The following PPP3CA variants were observed in gnomAD, a reference collection of about 807,000 sequenced individuals.
PPP3CA encodes the protein protein phosphatase 3 catalytic subunit alpha.
Under a neutral mutation model 66.5 loss-of-function variants are expected in PPP3CA, and 14 were observed. The ratio of observed to expected loss-of-function variants is 0.21; its 90% CI spans 0.14 to 0.33. The LOEUF is 0.33. Among genes scored for constraint, PPP3CA ranks in the 10% least tolerant of loss-of-function variants. The pLI is 1.00. For missense variants in PPP3CA, 317 were observed against 639.5 expected (o/e 0.50, Z 5.44); for synonymous variants, 232 against 226.2 (o/e 1.03, Z -0.23).
At chr4:101,073,412 G>T (rs1208985361) in intron 8 of PPP3CA, among the ~76,000 whole-genome samples, 3 of 151,784 alleles carry the variant, frequency 2.0e-5, no homozygotes, top group Non-Finnish European at 4.4e-5. Flanking sequence ...GAATAGTTGG[G>T]ACTACAGGTG....
intron 5 of PPP3CA, among the ~76,000 whole-genome samples, chr4:101,094,941 C>A (rs1460902725): frequency 1.3e-5 from 2 of 151,700 alleles, no homozygotes; most frequent in African/African-American, 4.8e-5. Context: ...CCAATGAAGA[C>A]AAGTGAACAT....
At chr4:101,324,067 C>A (rs1256535521) in intron 1 of PPP3CA, among the ~76,000 whole-genome samples, 1 of 151,368 alleles carries the variant, frequency 6.6e-6, no homozygotes, top group Non-Finnish European at 1.5e-5. Flanking sequence ...GAGATCGCAC[C>A]ACTGCACTCC....
chr4:101,083,855 T>C (rs1197841091), intron 6 of PPP3CA, among the ~76,000 whole-genome samples: 4 of 152,218 alleles, frequency 2.6e-5, no homozygotes, highest in Non-Finnish European at 5.9e-5. Context: ...ATTCAAAACC[T>C]AAACAAAATT....
intron 4 of PPP3CA, among the ~76,000 whole-genome samples, chr4:101,098,719 A>C (rs1260003626): frequency 1.3e-5 from 2 of 152,102 alleles, no homozygotes; most frequent in Non-Finnish European, 1.5e-5. Context: ...GTCATTTATT[A>C]ATTCATACTT....
At position 101,294,452 on chromosome 4, in the gene PPP3CA, T is replaced by C. The variant is rs374598828; in HGVS notation, c.58+52287A>G. Among the ~76,000 whole-genome samples the C allele has an allele frequency of 1.4e-4, 21 of 152,338 alleles. No individual in the cohort carries two copies. In the East Asian group the frequency reaches 4.0e-3, roughly 29 times the overall value. On this transcript the variant is annotated intron_variant, in intron 1 of 13. Transcript: ENST00000394854. Reference sequence around the variant, plus strand: ...TTTACCAAATCTCTATTTATTTGTTTGCCTTGGGGTATTTCAGTATTATAA... The same window carrying C: ...TTTACCAAATCTCTATTTATTTGTTCGCCTTGGGGTATTTCAGTATTATAA...
chr4:101,291,190 T>G (rs1728012475), intron 1 of PPP3CA, among the ~76,000 whole-genome samples: 2 of 152,216 alleles, frequency 1.3e-5, no homozygotes, highest in African/African-American at 2.4e-5. Context: ...TCAACTAAAT[T>G]AGTTCTTCTA....
intron 1 of PPP3CA, among the ~76,000 whole-genome samples, chr4:101,224,537 C>A (rs2851005): frequency 0.82 from 123,816 of 151,240 alleles, 51,072 homozygotes; most frequent in African/African-American, 0.87. Context: ...TCATTGCTAG[C>A]GCTCCAGGGA....
chr4:101,286,466 T>C (rs145730932), intron 1 of PPP3CA, among the ~76,000 whole-genome samples: 261 of 152,372 alleles, frequency 1.7e-3, no homozygotes, highest in African/African-American at 6.1e-3. Flanking sequence ...GTTTTGCACC[T>C]GGAAATATCT....
chr4:101,131,421 G>GAAAA (rs60025424), intron 2 of PPP3CA, among the ~76,000 whole-genome samples: 1 of 102,480 alleles, frequency 9.8e-6, no homozygotes, highest in East Asian at 2.7e-4. Flanking sequence ...CAAATAGAAA[G>GAAAA]AAAAAAAAAA....
At chr4:101,036,267 T>C (rs1727243489) in intron 11 of PPP3CA, among the ~76,000 whole-genome samples, 1 of 152,206 alleles carries the variant, frequency 6.6e-6, no homozygotes, top group Non-Finnish European at 1.5e-5. Flanking sequence ...TGGCTCACAT[T>C]TTATTTCTAT....
intron 1 of PPP3CA, among the ~76,000 whole-genome samples, chr4:101,257,330 C>CTTTT (rs11314056): frequency 7.2e-6 from 1 of 138,634 alleles, no homozygotes; most frequent in African/African-American, 2.6e-5. Flanking sequence ...ATGTATGAGA[C>CTTTT]TTTTTTTTTT....
intron 1 of PPP3CA, among the ~76,000 whole-genome samples, chr4:101,240,226 CT>C (rs1726263188): frequency 6.6e-6 from 1 of 152,004 alleles, no homozygotes; most frequent in African/African-American, 2.4e-5. Flanking sequence ...CTCTGAGGAT[CT>C]TTTCGCCCTT....
At chr4:101,292,703 G>GT (rs1728067655) in intron 1 of PPP3CA, among the ~76,000 whole-genome samples, 1 of 152,176 alleles carries the variant, frequency 6.6e-6, no homozygotes, top group African/African-American at 2.4e-5. Flanking sequence ...CTAAATGGAA[G>GT]TAAGTATAGC....
At chr4:101,208,473 C>A (rs1391172886) in intron 1 of PPP3CA, among the ~76,000 whole-genome samples, 1 of 152,142 alleles carries the variant, frequency 6.6e-6, no homozygotes, top group East Asian at 1.9e-4. Context: ...ACACTAAATA[C>A]AAAGGGATGC....
chr4:101,090,806 C>T (rs947664148), intron 6 of PPP3CA, among the ~76,000 whole-genome samples: 16 of 150,956 alleles, frequency 1.1e-4, no homozygotes, highest in Middle Eastern at 3.5e-3. Context: ...TATATACACA[C>T]GTCTGTGTCT....
intron 1 of PPP3CA, among the ~76,000 whole-genome samples, chr4:101,292,198 C>T (rs1230463931): frequency 6.6e-6 from 1 of 151,944 alleles, no homozygotes; most frequent in Non-Finnish European, 1.5e-5. Context: ...GAACTCTGTC[C>T]TATCATTCTT....
At chr4:101,051,991 T>C (rs2110218612) in intron 10 of PPP3CA, among the ~76,000 whole-genome samples, 1 of 152,214 alleles carries the variant, frequency 6.6e-6, no homozygotes, top group Admixed American at 6.6e-5. Flanking sequence ...TGGTGGACAT[T>C]ATCCAGCCAA....
intron 1 of PPP3CA, among the ~76,000 whole-genome samples, chr4:101,251,969 G>A (rs1421606143): frequency 5.3e-5 from 8 of 152,146 alleles, no homozygotes; most frequent in African/African-American, 1.7e-4. Context: ...CTGAGGACCA[G>A]ATCCCCCTGC....
intron 3 of PPP3CA, among the ~76,000 whole-genome samples, chr4:101,107,729 A>T (rs1721478430): frequency 6.6e-6 from 1 of 152,260 alleles, no homozygotes; most frequent in Non-Finnish European, 1.5e-5. Context: ...TTTAAGGATG[A>T]CATGCTTTTC....
Sources: gnomAD v4.1 joint callset for allele counts (sites outside exome capture counted in the v4.1 genomes callset) on GRCh38, gnomAD v4.1.1 for gene constraint, MANE v1.5 for transcripts, NCBI Gene and HGNC (gene_info 2026-07-23, HGNC 2026-07-21) for gene names.